Variants in GORAB observed in about 807,000 individuals in gnomAD.
GORAB encodes the protein golgin, RAB6 interacting, also known as RAB6-interacting golgin.
Under a neutral mutation model 29.9 loss-of-function variants are expected in GORAB, and 17 were observed. The ratio of observed to expected loss-of-function variants is 0.57; its 90% confidence interval spans 0.39 to 0.85. GORAB has a LOEUF of 0.85. Ranked by LOEUF, GORAB falls within the 40% of genes least tolerant of loss-of-function variation. GORAB has a pLI of 0.00. For missense variants in GORAB, 442 were observed against 437.8 expected (o/e 1.01, Z -0.09); for synonymous variants, 183 against 157.2 (o/e 1.16, Z -1.23).
rs1051143864 is a variant in GORAB at position 170,551,946 on chromosome 1, C to G, written c.663-69C>G. Reference sequence around the variant, plus strand: ...CAATTTTGGAGTTGAGTTATTGTTTCTAGATCCTCTTTTGAATATCTTCTT... The same window carrying G: ...CAATTTTGGAGTTGAGTTATTGTTTGTAGATCCTCTTTTGAATATCTTCTT... On this transcript the variant is annotated intron_variant, in intron 4 of 4. Transcript: ENST00000367763. 9 of 1,363,500 alleles carry G rather than the reference C, an allele frequency of 6.6e-6. No individual in the cohort carries two copies. The Admixed American group carries it at 1.6e-4, about 24-fold the overall frequency. The allele number at this position is 1,363,500 out of a possible 1,614,324, so 84.5% of individuals were successfully genotyped here. A position where few individuals can be genotyped will look rare whatever the true frequency, so the allele number is the denominator to read the frequency against.
Position 170,544,909 on chromosome 1 carries a change from TC to T in GORAB, c.662+66del, listed in dbSNP as rs1460741891. 2.5e-6 allele frequency: 4 copies of T among 1,574,894 alleles called. No individual in the cohort carries two copies. The Admixed American group carries it at 5.1e-5, about 20-fold the overall frequency. ...TTAATTAATGTTTATTGCCAGCTGT[TC>T]CAGGGGCTTTTATGTATATCATCAT... On this transcript the variant is annotated intron_variant, in intron 4 of 4. Coordinates refer to ENST00000367763, the MANE Select transcript of GORAB (RefSeq NM_152281.3).
intron 2 of GORAB, chr1:170,539,796 A>G (rs1649302349): frequency 3.8e-6 from 2 of 530,262 alleles, no homozygotes; most frequent in Non-Finnish European, 3.3e-6. Context: ...ACAGCCTTAC[A>G]ATGCATGTTT....
intron 3 of GORAB, 60 bp from the exon 4 acceptor site, chr1:170,544,645 T>C: frequency 7.0e-7 from 1 of 1,429,014 alleles, no homozygotes; most frequent in Non-Finnish European, 9.9e-7. Context: ...ACTTACATTG[T>C]ATATGGACAC....
intron 1 of GORAB, chr1:170,536,342 A>G (rs552433276): frequency 2.6e-5 from 4 of 152,324 alleles, no homozygotes; most frequent in East Asian, 1.9e-4. Context: ...ACATGAATAG[A>G]TATTTCCTAG....
Position 170,539,284 on chromosome 1 carries a change from G to C in GORAB, c.136G>C (p.Glu46Gln), listed in dbSNP as rs1302735956. The change falls in exon 2 of 5, where the codon GAG (glutamate) becomes CAG (glutamine). Residue 46 changes from glutamate (E) to glutamine (Q), a missense_variant. Coordinates refer to ENST00000367763, the MANE Select transcript of GORAB (RefSeq NM_152281.3). ...QQLQREKALV[E>Q]QSQKLGLQDG... ...ACTTCAGCGAGAAAAAGCCCTTGTA[G>C]AGCAAAGCCAAAAACTTGGGCTTCA... 1 of 1,614,194 alleles carries C rather than the reference G, an allele frequency of 6.2e-7. No homozygotes were observed. Among genetic ancestry groups the C allele is most frequent in the African/African-American group, 1.3e-5 (1 of 75,060 alleles).
rs1227391562 is a variant in GORAB, at chr1:170,552,713, A to G, written c.*251A>G. 1.9e-6 allele frequency: 1 copy of G among 537,780 alleles called. No individual in the cohort carries two copies. Among genetic ancestry groups the G allele is most frequent in the Non-Finnish European group, 3.5e-6 (1 of 281,794 alleles). 33.3% of individuals were successfully genotyped at this position (537,780 alleles called of 1,614,324 possible). On this transcript the variant is annotated 3_prime_UTR_variant, in exon 5 of 5. Transcript: ENST00000367763. Reference sequence around the variant, plus strand: ...TCCGTTTACCCTTTTTACTGAAAGTAAGTGACTTAAAAGGATGGAAGAAAA... The same window carrying G: ...TCCGTTTACCCTTTTTACTGAAAGTGAGTGACTTAAAAGGATGGAAGAAAA...
chr1:170,538,340 A>G (rs773852469), intron 1 of GORAB, among the ~76,000 whole-genome samples: 22 of 152,208 alleles, frequency 1.4e-4, no homozygotes, highest in Non-Finnish European at 3.1e-4. Flanking sequence ...TGAGTTGTTC[A>G]TTTACAAGAA....
intron 4 of GORAB, 150 bp from the exon 5 acceptor site, chr1:170,551,865 T>C (rs924078881): frequency 1.6e-5 from 11 of 690,874 alleles, no homozygotes; most frequent in Non-Finnish European, 2.5e-5. Flanking sequence ...CTGGCCAACA[T>C]GTAGACAAGT....
chr1:170,532,509 C>T (rs1648758283), intron 1 of GORAB: 1 of 543,072 alleles, frequency 1.8e-6, no homozygotes, highest in South Asian at 2.0e-5. Flanking sequence ...AAAAACGGTC[C>T]AGGAATCCAC....
Position 170,553,101 on chromosome 1 carries a change from C to G in GORAB, c.*639C>G, listed in dbSNP as rs1650228160. ...AACCTGCGTTTTGTTATTTGAAACA[C>G]ACACACTTATATATAAACACATGTA... On this transcript the variant is annotated 3_prime_UTR_variant, in exon 5 of 5. Transcript: ENST00000367763. 1 of 452,656 alleles carries G rather than the reference C, an allele frequency of 2.2e-6. No homozygotes were observed. Among genetic ancestry groups the G allele is most frequent in the Admixed American group, 2.4e-5 (1 of 42,308 alleles). The allele number at this position is 452,656 out of a possible 1,614,324, so 28.0% of individuals were successfully genotyped here.
At chr1:170,533,411 C>A in intron 1 of GORAB, 1 of 343,526 alleles carries the variant, frequency 2.9e-6, no homozygotes. Flanking sequence ...TTGATATACT[C>A]AAATTCTTTT....
intron 2 of GORAB, 196 bp downstream of exon 2, chr1:170,539,763 T>G: frequency 1.7e-6 from 1 of 597,734 alleles, no homozygotes; most frequent in African/African-American, 1.9e-5. Flanking sequence ...ATTCTGTATG[T>G]TTTATGTTCT....
In GORAB at chr1:170,553,374, C is replaced by G. The variant is rs1306602852; in HGVS notation, c.*912C>G. On this transcript the variant is annotated 3_prime_UTR_variant, in exon 5 of 5. Coordinates refer to ENST00000367763, the MANE Select transcript of GORAB (RefSeq NM_152281.3). Reference sequence around the variant, plus strand: ...ATTTTCTTATTAGTTTGTTAATTGCCTGTTACTAGTACTTGACCAATACAT... The same window carrying G: ...ATTTTCTTATTAGTTTGTTAATTGCGTGTTACTAGTACTTGACCAATACAT... The G allele has an allele frequency of 2.2e-6, 1 of 452,420 alleles. No homozygotes were observed. The highest frequency in any genetic ancestry group is 4.4e-6 in the Non-Finnish European group (1 of 226,354). 28.0% of individuals were successfully genotyped at this position (452,420 alleles called of 1,614,324 possible).
chr1:170,540,983 A>G (rs527675673), intron 2 of GORAB, among the ~76,000 whole-genome samples: 11 of 152,128 alleles, frequency 7.2e-5, no homozygotes, highest in African/African-American at 2.2e-4. Context: ...CAGGCACATC[A>G]CTTGAGGCCA....
In GORAB at chr1:170,532,274, G is replaced by C; in HGVS notation, c.51G>C (p.Lys17Asn). The C allele has an allele frequency of 6.2e-7, 1 of 1,614,090 alleles. No homozygotes were observed. Among genetic ancestry groups the C allele is most frequent in the Non-Finnish European group, 8.5e-7 (1 of 1,179,944 alleles). The change falls in exon 1 of 5, where the codon AAG (lysine) becomes AAC (asparagine). Residue 17 changes from lysine (K) to asparagine (N), a missense_variant. Lys to Asn is a moderately conservative substitution (Grantham distance 94). Transcript: ENST00000367763. ...GFSEEELRRL[K>N]QTKDPFEPQR... ...CTGAGGAGGAACTGAGGAGACTAAA[G>C]CAGACTAAAGGTTACAAGATGGGTT...
rs960040044 is a variant in GORAB, at chr1:170,553,529, A to G, written c.*1067A>G. On this transcript the variant is annotated 3_prime_UTR_variant, in exon 5 of 5. Transcript: ENST00000367763. The stretch of plus-strand genomic sequence containing the variant: ...ACCTTTGAGGACTTTTTTTTTTTAA[A>G]AAAAGAATTATTATCAGAGAACATA... 2 of 427,714 alleles carry G rather than the reference A, an allele frequency of 4.7e-6. No homozygotes were observed. Among genetic ancestry groups the G allele is most frequent in the East Asian group, 1.4e-4 (2 of 14,306 alleles). 26.5% of individuals were successfully genotyped at this position (427,714 alleles called of 1,614,324 possible).
intron 1 of GORAB, chr1:170,533,540 A>G (rs1178860224): frequency 2.2e-6 from 1 of 454,940 alleles, no homozygotes; most frequent in East Asian, 7.0e-5. Flanking sequence ...GTGATAGTAG[A>G]TATTGCAAGA....
chr1:170,536,914 CAT>C (rs1341699761), intron 1 of GORAB, among the ~76,000 whole-genome samples: 3 of 152,086 alleles, frequency 2.0e-5, no homozygotes, highest in South Asian at 2.1e-4. Flanking sequence ...GAATAATCAA[CAT>C]ATGATTCAAA....
chr1:170,534,626 T>C (rs1325629688), intron 1 of GORAB, among the ~76,000 whole-genome samples: 1 of 152,168 alleles, frequency 6.6e-6, no homozygotes, highest in East Asian at 1.9e-4. Flanking sequence ...TTTTTCTATG[T>C]TTAGATACAC....
Sources: gnomAD v4.1 joint callset for allele counts (sites outside exome capture counted in the v4.1 genomes callset) on GRCh38, gnomAD v4.1.1 for gene constraint, MANE v1.5 for transcripts, NCBI Gene and HGNC (gene_info 2026-07-23, HGNC 2026-07-21) for gene names.